Variants in ZHX2 observed in about 807,000 individuals in gnomAD.
The protein encoded by ZHX2 is zinc fingers and homeoboxes 2.
Under a neutral mutation model 21.9 loss-of-function variants are expected in ZHX2, and 6 were observed. The observed-to-expected ratio is 0.27, with a 90% CI of 0.15 to 0.54. The LOEUF (loss-of-function observed/expected upper bound fraction) is 0.54, where lower values mean the gene tolerates loss of function less well. Ranked by LOEUF, ZHX2 falls within the 20% of genes least tolerant of loss-of-function variation. The pLI is 0.95. For missense variants in ZHX2, 908 were observed against 1,090.7 expected, an observed-to-expected ratio of 0.83 and a Z score of 2.36; for synonymous variants, 434 against 437.1, an observed-to-expected ratio of 0.99 and a Z score of 0.09.
At position 122,969,520 on chromosome 8, in the gene ZHX2, G is replaced by A. The variant is rs146332350; in HGVS notation, c.*5-3722G>A. Among the ~76,000 whole-genome samples, 434 of 152,068 alleles carry A rather than the reference G, an allele frequency of 2.9e-3. 2 individuals are homozygous for A. Among genetic ancestry groups the A allele is most frequent in the African/African-American group, 9.9e-3 (412 of 41,440 alleles). ...TCACTAAATTACATCCATTATGTGC[G>A]GCTTTCTGCAAACGAGTTATACGTC... is the stretch of plus-strand genomic sequence containing the variant. On this transcript the variant is annotated intron_variant, in intron 3 of 3. Transcript: ENST00000314393.
intron 1 of ZHX2, among the ~76,000 whole-genome samples, chr8:122,832,939 A>G (rs1042735298): frequency 6.6e-6 from 1 of 152,108 alleles, no homozygotes; most frequent in African/African-American, 2.4e-5. Flanking sequence ...TCATTAACAC[A>G]TTGAAGGAGA....
intron 2 of ZHX2, among the ~76,000 whole-genome samples, chr8:122,888,500 C>T (rs565875297): frequency 1.3e-5 from 2 of 151,912 alleles, no homozygotes; most frequent in Admixed American, 6.5e-5. Flanking sequence ...GTTTTTTTGG[C>T]GATGGAGTTT....
At chr8:122,832,195 G>T (rs1274819887) in intron 1 of ZHX2, among the ~76,000 whole-genome samples, 1 of 152,238 alleles carries the variant, frequency 6.6e-6, no homozygotes, top group Non-Finnish European at 1.5e-5. Flanking sequence ...GTGATGTGGG[G>T]AGTTTCTACG....
intron 2 of ZHX2, among the ~76,000 whole-genome samples, chr8:122,909,079 G>A (rs1820414656): frequency 6.6e-6 from 1 of 152,194 alleles, no homozygotes; most frequent in Admixed American, 6.5e-5. Flanking sequence ...CAAACACATG[G>A]TGGCTTAAAT....
In ZHX2 at chr8:122,953,101, C is replaced by T. The variant is rs746812275; in HGVS notation, c.1591C>T (p.Gln531Ter). ...TYHAYPDFAP[Q>*]KFKEKTQGQV... is the part of the protein sequence containing the mutation. ...TCATGCGTACCCAGACTTTGCCCCC[C>T]AGAAGTTCAAAGAGAAAACACAGGG... Residue 531 changes from glutamine (Q) to a stop codon, truncating the protein, a stop_gained, in exon 3 of 4, where the codon CAG (glutamine) becomes TAG (stop). Transcript: ENST00000314393. LOFTEE classifies it low-confidence loss of function (END_TRUNC). The surrounding 1 kb of genome is among the most constrained non-coding windows in gnomAD (Gnocchi z 4.6). 1.2e-6 allele frequency: 2 copies of T among 1,613,988 alleles called. No homozygotes were observed. The highest frequency in any genetic ancestry group is 1.7e-6 in the Non-Finnish European group (2 of 1,180,032).
chr8:122,896,662 A>T (rs957011646), intron 2 of ZHX2, among the ~76,000 whole-genome samples: 1 of 152,220 alleles, frequency 6.6e-6, no homozygotes, highest in Admixed American at 6.5e-5. Flanking sequence ...CATTTAATAG[A>T]CTAGGATACC....
In ZHX2 at chr8:122,968,962, C is replaced by T. The variant is rs114030471; in HGVS notation, c.*5-4280C>T. Among the ~76,000 whole-genome samples the T allele has an allele frequency of 2.6e-3, 390 of 152,160 alleles. 1 individual carries two copies. Among genetic ancestry groups the T allele is most frequent in the African/African-American group, 8.8e-3 (366 of 41,514 alleles). ...TCACTTGAGGCCAAGAGTTCGAGAC[C>T]AGCCTGGCGAACATAGTGAAATCCC... On this transcript the variant is annotated intron_variant, in intron 3 of 3. Transcript: ENST00000314393.
chr8:122,820,050 A>G (rs1328335136), intron 1 of ZHX2, among the ~76,000 whole-genome samples: 1 of 152,128 alleles, frequency 6.6e-6, no homozygotes, highest in Non-Finnish European at 1.5e-5. Context: ...TCACATCACG[A>G]TGGAAACAAT....
intron 1 of ZHX2, among the ~76,000 whole-genome samples, chr8:122,812,338 G>T (rs994959917): frequency 6.6e-6 from 1 of 152,218 alleles, no homozygotes; most frequent in Non-Finnish European, 1.5e-5. Context: ...TTCACACCCC[G>T]TAGCAACTCT....
intron 1 of ZHX2, among the ~76,000 whole-genome samples, chr8:122,848,435 A>G (rs1818805228): frequency 1.3e-5 from 2 of 152,064 alleles, no homozygotes; most frequent in African/African-American, 4.8e-5. Context: ...CCTGAATTTA[A>G]TTATTTTATT....
intron 1 of ZHX2, among the ~76,000 whole-genome samples, chr8:122,835,088 C>A (rs1818464970): frequency 1.3e-5 from 2 of 152,026 alleles, no homozygotes; most frequent in South Asian, 2.1e-4. Flanking sequence ...GAGGTCATGC[C>A]GGGTCAGTTC....
Position 122,925,083 on chromosome 8 carries a change from A to G in ZHX2, c.-219-26209A>G, listed in dbSNP as rs552413044. Among the ~76,000 whole-genome samples, 7 of 152,318 alleles carry G rather than the reference A, an allele frequency of 4.6e-5. No homozygotes were observed. In the South Asian group the frequency reaches 1.0e-3, roughly 23 times the overall value. ...CCACTGAAAAGCTTACTAGTTGGCTATACAAAAGCAGTCCCAGCATCAGCC... is the reference window on the plus strand; with the variant it reads ...CCACTGAAAAGCTTACTAGTTGGCTGTACAAAAGCAGTCCCAGCATCAGCC... On this transcript the variant is annotated intron_variant, in intron 2 of 3. Transcript: ENST00000314393.
At position 122,953,434 on chromosome 8, in the gene ZHX2, C is replaced by T. The variant is rs1813193422; in HGVS notation, c.1924C>T (p.Leu642Phe). The change falls in exon 3 of 4, where the codon CTC becomes TTC. Residue 642 changes from leucine (L) to phenylalanine (F), a missense_variant. By Grantham distance (22) the Leu-to-Phe change is conservative. Around this residue, in one of 4 missense-constraint regions of ZHX2, gnomAD observed 431 missense variants for 428.6 expected, o/e 1.01. Coordinates refer to ENST00000314393, the MANE Select transcript of ZHX2 (RefSeq NM_014943.5). The surrounding 1 kb of genome is among the most constrained non-coding windows in gnomAD (Gnocchi z 4.6). ...TGCAAAAAGTCAAGAACAGGTTCAT[C>T]TCCTGAGGAGCACGTTTGCAAGAAC... is the stretch of plus-strand genomic sequence containing the variant. ...AIAKSQEQVHLLRSTFARTQW... is the reference protein window; with the variant it reads ...AIAKSQEQVHFLRSTFARTQW... The T allele has an allele frequency of 1.2e-6, 2 of 1,614,104 alleles. No homozygotes were observed. The highest frequency in any genetic ancestry group is 2.7e-5 in the African/African-American group (2 of 74,934).
At chr8:122,911,930 T>G (rs1315979856) in intron 2 of ZHX2, among the ~76,000 whole-genome samples, 2 of 151,950 alleles carry the variant, frequency 1.3e-5, no homozygotes, top group African/African-American at 4.8e-5. Context: ...GGGGAATGGC[T>G]CCCCTAAGGC....
Position 122,824,342 on chromosome 8 carries a change from C to G in ZHX2, c.-282-39135C>G, listed in dbSNP as rs186952514. On this transcript the variant is annotated intron_variant, in intron 1 of 3. Transcript: ENST00000314393. ...GAGCCTGTCCCATGCACCACTGACT[C>G]TAAGTGCCTAGAACAAACAGGGCCT... Among the ~76,000 whole-genome samples, 5 of 152,330 alleles carry G rather than the reference C, an allele frequency of 3.3e-5. No individual in the cohort carries two copies. In the East Asian group the frequency reaches 9.6e-4, roughly 29 times the overall value.
intron 2 of ZHX2, among the ~76,000 whole-genome samples, chr8:122,870,164 C>G (rs891785212): frequency 6.6e-6 from 1 of 152,112 alleles, no homozygotes; most frequent in Non-Finnish European, 1.5e-5. Flanking sequence ...GTTGCTGGAG[C>G]AGGTAGAGCC....
chr8:122,871,084 C>T (rs1170498067), intron 2 of ZHX2, among the ~76,000 whole-genome samples: 3 of 152,116 alleles, frequency 2.0e-5, no homozygotes, highest in East Asian at 1.9e-4. Context: ...CAGGAGTCCA[C>T]GTGGCTTCAA....
intron 2 of ZHX2, among the ~76,000 whole-genome samples, chr8:122,874,378 A>G (rs1002092802): frequency 6.6e-6 from 1 of 152,146 alleles, no homozygotes; most frequent in Admixed American, 6.5e-5. Flanking sequence ...TGGAGTGCCA[A>G]TCTCAGCTGG....
intron 2 of ZHX2, among the ~76,000 whole-genome samples, chr8:122,916,257 C>G (rs1238975459): frequency 6.6e-6 from 1 of 152,234 alleles, no homozygotes; most frequent in Non-Finnish European, 1.5e-5. Context: ...GAGGCTCATT[C>G]CTGGCTGCAT....
Sources: allele counts gnomAD v4.1 joint callset (sites outside exome capture counted in the v4.1 genomes callset), GRCh38; gene constraint gnomAD v4.1.1; regional missense constraint gnomAD v4.1.1; non-coding constraint Gnocchi (gnomAD v3.1); transcripts MANE v1.5; gene names NCBI Gene and HGNC (gene_info 2026-07-23, HGNC 2026-07-21).